GOLGA4: variants seen among roughly 807,000 people sequenced by gnomAD.
GOLGA4 encodes the protein golgin subfamily A member 4.
A neutral mutation model predicts 265.9 loss-of-function variants in GOLGA4; 169 were observed. The ratio of observed to expected loss-of-function variants is 0.64; its 90% CI spans 0.56 to 0.72. The LOEUF is 0.72. Ranked by LOEUF, GOLGA4 falls within the 30% of genes least tolerant of loss-of-function variation. The pLI, the probability that GOLGA4 is intolerant of heterozygous loss-of-function variation, is 0.00. For synonymous variants in GOLGA4, 923 were observed against 855.8 expected, an observed-to-expected ratio of 1.08 and a Z score of -1.37; for missense variants, 2,482 against 2,483.4, an observed-to-expected ratio of 1.00 and a Z score of 0.01.
chr3:37,360,087 C>T (rs189659508), intron 22 of GOLGA4, among the ~76,000 whole-genome samples: 4 of 152,222 alleles, frequency 2.6e-5, no homozygotes, highest in Non-Finnish European at 5.9e-5. Context: ...GGAATATCTC[C>T]ATGTTTTCTA....
chr3:37,270,779 A>G (rs1412058983), intron 2 of GOLGA4, among the ~76,000 whole-genome samples: 4 of 152,106 alleles, frequency 2.6e-5, no homozygotes, highest in African/African-American at 9.7e-5. Context: ...CAGTTTTTCC[A>G]TGAACTGGGG....
intron 18 of GOLGA4, 23 bp from the exon 19 acceptor site, chr3:37,337,643 G>C (rs756284898): frequency 5.2e-6 from 8 of 1,549,556 alleles, no homozygotes; most frequent in Non-Finnish European, 7.1e-6. Flanking sequence ...GTGCATTTCA[G>C]ATCTGACTTT....
Position 37,286,763 on chromosome 3 carries a change from C to A in GOLGA4, c.525+702C>A, listed in dbSNP as rs888320019. On this transcript the variant is annotated intron_variant, in intron 4 of 23. Transcript: ENST00000361924. ...CTGCTTTTTAAATACCTGCAGACAT[C>A]TGTTTCTTATCATTATATCAGGGTC... Among the ~76,000 whole-genome samples, 4 of 152,326 alleles carry A rather than the reference C, an allele frequency of 2.6e-5. No homozygotes were observed. The East Asian group carries it at 7.7e-4, about 29-fold the overall frequency.
intron 5 of GOLGA4, among the ~76,000 whole-genome samples, chr3:37,292,499 A>C (rs2096867445): frequency 6.6e-6 from 1 of 152,188 alleles, no homozygotes; most frequent in African/African-American, 2.4e-5. Flanking sequence ...CATCCTGGCC[A>C]ACATGGTGAA....
intron 1 of GOLGA4, chr3:37,244,299 ACT>A (rs1416072427): frequency 2.6e-5 from 4 of 151,956 alleles, no homozygotes; most frequent in Admixed American, 1.3e-4. Flanking sequence ...AGGGGCAGAC[ACT>A]CTGCCTGTCC....
At chr3:37,361,449 C>T (rs1195555513) in intron 23 of GOLGA4, 144 bp downstream of exon 23, 1 of 520,890 alleles carries the variant, frequency 1.9e-6, no homozygotes, top group Admixed American at 3.3e-5. Context: ...TCTGTTCATT[C>T]TGTTATATGG....
chr3:37,351,080 C>T (rs866923326), intron 21 of GOLGA4, among the ~76,000 whole-genome samples: 10 of 152,024 alleles, frequency 6.6e-5, no homozygotes, highest in Admixed American at 2.6e-4. Flanking sequence ...TTCAAAATTG[C>T]GGTCAGTTCT....
Position 37,325,130 on chromosome 3 carries a change from C to G in GOLGA4, c.3244C>G (p.Leu1082Val). Residue 1082 changes from leucine (L) to valine (V), a missense_variant, in exon 14 of 24, where the codon CTA (leucine) becomes GTA (valine). By Grantham distance (32) the Leu-to-Val change is conservative (BLOSUM62 1). Around this residue, in one of 3 missense-constraint regions of GOLGA4, gnomAD observed 1,536 missense variants for 1,483.7 expected, o/e 1.04. Coordinates refer to ENST00000361924, the MANE Select transcript of GOLGA4 (RefSeq NM_002078.5). ...EVAELKQKILLFGCEKEEMNK... is the reference protein window; with the variant it reads ...EVAELKQKILVFGCEKEEMNK... ...AGCAGAACTGAAACAAAAGATCCTCCTATTTGGGTGTGAAAAAGAAGAGAT... is the reference window on the plus strand; with the variant it reads ...AGCAGAACTGAAACAAAAGATCCTCGTATTTGGGTGTGAAAAAGAAGAGAT... 6.2e-7 allele frequency: 1 copy of G among 1,613,320 alleles called. No individual in the cohort carries two copies. Among genetic ancestry groups the G allele is most frequent in the East Asian group, 2.2e-5 (1 of 44,830 alleles).
chr3:37,301,718 G>A (rs1457213905), intron 9 of GOLGA4, among the ~76,000 whole-genome samples: 1 of 152,152 alleles, frequency 6.6e-6, no homozygotes, highest in Non-Finnish European at 1.5e-5. Flanking sequence ...AGTTTGTGAA[G>A]TATTGAAATA....
chr3:37,257,961 G>GTA (rs1168863261), intron 2 of GOLGA4, among the ~76,000 whole-genome samples: 1 of 85,300 alleles, frequency 1.2e-5, no homozygotes, highest in Non-Finnish European at 2.1e-5. Flanking sequence ...ATGTATATAT[G>GTA]TATATATACA....
At chr3:37,278,481 G>A (rs1275428001) in intron 2 of GOLGA4, among the ~76,000 whole-genome samples, 1 of 152,078 alleles carries the variant, frequency 6.6e-6, no homozygotes, top group Non-Finnish European at 1.5e-5. Flanking sequence ...GGGATTACAG[G>A]GATGAGCCAC....
intron 5 of GOLGA4, among the ~76,000 whole-genome samples, chr3:37,292,944 G>T (rs80319547): frequency 0.016 from 2,447 of 152,306 alleles, 31 homozygotes; most frequent in South Asian, 0.049. Flanking sequence ...GGGGCAATGT[G>T]GGTGTTGGGC....
chr3:37,315,578 G>C lies in GOLGA4; in HGVS notation c.1393G>C (p.Glu465Gln). The C allele has an allele frequency of 6.2e-7, 1 of 1,613,382 alleles. No homozygotes were observed. Among genetic ancestry groups the C allele is most frequent in the African/African-American group, 1.3e-5 (1 of 75,026 alleles). ...ACAGGAATTAAGTCGGGTGAAACAG[G>C]AGGTTGTTGATGTAATGAAAGTAAG... ...LQQELSRVKQ[E>Q]VVDVMKKSSE... The change falls in exon 11 of 24, where the codon GAG becomes CAG. Residue 465 changes from glutamate to glutamine, a missense_variant. Glu to Gln is a conservative substitution (Grantham distance 29). Around this residue, in one of 3 missense-constraint regions of GOLGA4, gnomAD observed 1,536 missense variants for 1,483.7 expected, o/e 1.04. Transcript: ENST00000361924.
rs1003403748 is a variant in GOLGA4 at position 37,289,216 on chromosome 3, T to A, written c.526-19T>A. 2.0e-6 allele frequency: 3 copies of A among 1,494,240 alleles called. No individual in the cohort carries two copies. The highest frequency in any genetic ancestry group is 2.8e-6 in the Non-Finnish European group (3 of 1,088,580). 92.6% of individuals were successfully genotyped at this position (1,494,240 alleles called of 1,614,324 possible). A position where few individuals can be genotyped will look rare whatever the true frequency, so the allele number is the denominator to read the frequency against. On this transcript the variant is annotated intron_variant, in intron 4 of 23. Coordinates refer to ENST00000361924, the MANE Select transcript of GOLGA4 (RefSeq NM_002078.5). ...ACAGTTAGCTGTTTAACCAGCTTTT[T>A]TTTCTCTCTCAATTAAAGGGTATAT...
At chr3:37,299,061 AG>A in intron 8 of GOLGA4, 41 bp downstream of exon 8, 1 of 1,477,270 alleles carries the variant, frequency 6.8e-7, no homozygotes, top group Non-Finnish European at 9.2e-7. Context: ...TAATCTATAA[AG>A]TTAGATCCAC....
intron 2 of GOLGA4, among the ~76,000 whole-genome samples, chr3:37,280,504 A>G (rs1350783301): frequency 6.6e-6 from 1 of 152,186 alleles, no homozygotes; most frequent in African/African-American, 2.4e-5. Context: ...CTCACTATCT[A>G]TATGCAGATA....
chr3:37,336,766 AAGAGAGAAAGAGAGAG>A (rs1358366294), intron 17 of GOLGA4, among the ~76,000 whole-genome samples: 2 of 150,746 alleles, frequency 1.3e-5, no homozygotes, highest in African/African-American at 2.5e-5. Flanking sequence ...GAGCAAAAGA[AAGAGAGAAAGAGAGAG>A]AGAGAGAAAG....
chr3:37,267,233 G>GT (rs1424862135), intron 2 of GOLGA4, among the ~76,000 whole-genome samples: 1 of 152,142 alleles, frequency 6.6e-6, no homozygotes, highest in Admixed American at 6.5e-5. Context: ...CCTAGGGAAT[G>GT]TTTGTTCATT....
Position 37,286,020 on chromosome 3 carries a change from A to G in GOLGA4, c.484A>G (p.Thr162Ala), listed in dbSNP as rs769259428. Residue 162 changes from threonine to alanine, a missense_variant, in exon 4 of 24, where the codon ACA (threonine) becomes GCA (alanine). Physicochemically the swap from Thr to Ala is moderately conservative, Grantham distance 58. This residue lies in a region of GOLGA4 where 1,536 missense variants were observed against 1,483.7 expected (regional missense o/e 1.04). Coordinates refer to ENST00000361924, the MANE Select transcript of GOLGA4 (RefSeq NM_002078.5). Reference sequence around the variant, plus strand: ...GTTGATGACTATATTTTAGCTTGTTACAGCTTATCAGATGCTTCAGAGAGA... The same window carrying G: ...GTTGATGACTATATTTTAGCTTGTTGCAGCTTATCAGATGCTTCAGAGAGA... ...SYRGKYSELV[T>A]AYQMLQREKK... The G allele has an allele frequency of 6.4e-7, 1 of 1,566,290 alleles. No individual in the cohort carries two copies. The highest frequency in any genetic ancestry group is 1.1e-5 in the South Asian group (1 of 88,324).
Sources: gnomAD v4.1 joint callset for allele counts (sites outside exome capture counted in the v4.1 genomes callset) on GRCh38, gnomAD v4.1.1 for gene constraint, gnomAD v4.1.1 regional missense constraint, MANE v1.5 for transcripts, NCBI Gene and HGNC (gene_info 2026-07-23, HGNC 2026-07-21) for gene names.